Variants in LRRTM3 observed in about 807,000 individuals in gnomAD.
LRRTM3 encodes the protein leucine-rich repeat transmembrane neuronal protein 3.
Under a neutral mutation model 44.7 loss-of-function variants are expected in LRRTM3, and 24 were observed. The observed-to-expected ratio is 0.54, with a 90% confidence interval of 0.39 to 0.76. The LOEUF is 0.76. Among genes scored for constraint, LRRTM3 ranks in the 30% least tolerant of loss-of-function variants. LRRTM3 has a pLI of 0.00. For synonymous variants in LRRTM3, 277 were observed against 278.7 expected (o/e 0.99, Z 0.06); for missense variants, 587 against 702.2 (o/e 0.84, Z 1.85).
At chr10:67,018,609 C>G (rs1000170137) in intron 2 of LRRTM3, among the ~76,000 whole-genome samples, 3 of 152,186 alleles carry the variant, frequency 2.0e-5, no homozygotes, top group African/African-American at 7.2e-5. Context: ...AGTCTGTGGG[C>G]TCTGGAGCCA....
At chr10:66,934,931 A>G (rs888218550) in intron 2 of LRRTM3, among the ~76,000 whole-genome samples, 1 of 152,146 alleles carries the variant, frequency 6.6e-6, no homozygotes, top group African/African-American at 2.4e-5. Flanking sequence ...TCTTGGTGCT[A>G]AAGCTTATTA....
At chr10:67,004,463 T>A (rs1851861279) in intron 2 of LRRTM3, among the ~76,000 whole-genome samples, 1 of 151,922 alleles carries the variant, frequency 6.6e-6, no homozygotes, top group Non-Finnish European at 1.5e-5. Context: ...TGATACTTCA[T>A]CTCTGTTAGC....
At chr10:66,957,007 T>C (rs369309277) in intron 2 of LRRTM3, among the ~76,000 whole-genome samples, 1 of 152,280 alleles carries the variant, frequency 6.6e-6, no homozygotes, top group Non-Finnish European at 1.5e-5. Flanking sequence ...ATGTAGAAGA[T>C]AATTCAAAAG....
chr10:67,049,677 G>T (rs1404215244), intron 2 of LRRTM3, among the ~76,000 whole-genome samples: 1 of 152,248 alleles, frequency 6.6e-6, no homozygotes, highest in South Asian at 2.1e-4. Context: ...ATTTTAGGAA[G>T]AAAACAGTCC....
chr10:67,052,337 TC>T (rs1855156664), intron 2 of LRRTM3, among the ~76,000 whole-genome samples: 7 of 151,676 alleles, frequency 4.6e-5, no homozygotes, highest in Non-Finnish European at 7.4e-5. Context: ...TCTCTCTCTC[TC>T]TCTCTCTCTC....
chr10:67,065,991 T>G (rs1002081181), intron 2 of LRRTM3, among the ~76,000 whole-genome samples: 1 of 152,156 alleles, frequency 6.6e-6, no homozygotes, highest in Admixed American at 6.5e-5. Context: ...GATTGTCATA[T>G]TTTGACAAAA....
At chr10:66,970,041 C>A (rs1849632513) in intron 2 of LRRTM3, among the ~76,000 whole-genome samples, 1 of 152,078 alleles carries the variant, frequency 6.6e-6, no homozygotes, top group South Asian at 2.1e-4. Context: ...AAGGCGAGTT[C>A]CATAGGTTTA....
chr10:67,039,562 TA>T (rs1358162981), intron 2 of LRRTM3, among the ~76,000 whole-genome samples: 1 of 152,144 alleles, frequency 6.6e-6, no homozygotes. Context: ...TTTTTTTGTT[TA>T]AAAAATAATT....
At chr10:66,934,445 C>T (rs1485655951) in intron 2 of LRRTM3, among the ~76,000 whole-genome samples, 2 of 152,056 alleles carry the variant, frequency 1.3e-5, no homozygotes, top group African/African-American at 4.8e-5. Context: ...AGCATTATCT[C>T]CAAAAGAAAA....
At chr10:67,094,262 T>C (rs899711353) in intron 2 of LRRTM3, among the ~76,000 whole-genome samples, 20 of 152,024 alleles carry the variant, frequency 1.3e-4, no homozygotes, top group Middle Eastern at 3.4e-3. Flanking sequence ...TAAGAATCAT[T>C]GGGTTCCTAA....
intron 2 of LRRTM3, among the ~76,000 whole-genome samples, chr10:66,974,403 G>A (rs1330663230): frequency 6.6e-6 from 1 of 152,136 alleles, no homozygotes; most frequent in East Asian, 1.9e-4. Flanking sequence ...TTCACCTGTT[G>A]GTGTTGATGG....
Position 66,927,813 on chromosome 10 carries a change from T to A in LRRTM3, c.897T>A (p.Asp299Glu). The stretch of plus-strand genomic sequence containing the variant: ...CATTTATTGGTCAAGAGATTTTGGA[T>A]TCTTGGATATCCCTCAATGACATCA... ...KLTFIGQEIL[D>E]SWISLNDISL... is the part of the protein sequence containing the mutation. The change falls in exon 2 of 3, where the codon GAT becomes GAA. Residue 299 changes from aspartate to glutamate, a missense_variant. Asp to Glu is a conservative substitution (Grantham distance 45). This residue lies in a region of LRRTM3 where 222 missense variants were observed against 323.3 expected (regional missense o/e 0.69). Transcript: ENST00000361320. This position sits in a 1 kb window ranked among gnomAD's most constrained non-coding sequence, Gnocchi z 4.7. 6.2e-7 allele frequency: 1 copy of A among 1,614,234 alleles called. No individual in the cohort carries two copies. Among genetic ancestry groups the A allele is most frequent in the Non-Finnish European group, 8.5e-7 (1 of 1,180,040 alleles).
At chr10:67,045,000 C>T (rs752508709) in intron 2 of LRRTM3, among the ~76,000 whole-genome samples, 2 of 152,084 alleles carry the variant, frequency 1.3e-5, no homozygotes, top group African/African-American at 2.4e-5. Context: ...ATCTAGGAGA[C>T]GCTCAATAAA....
chr10:67,009,553 A>T (rs1224932881), intron 2 of LRRTM3, among the ~76,000 whole-genome samples: 2 of 151,636 alleles, frequency 1.3e-5, no homozygotes, highest in African/African-American at 2.4e-5. Context: ...GCTTGTCCGT[A>T]TCATATCTAG....
intron 2 of LRRTM3, chr10:67,054,630 A>C (rs1023564568): frequency 6.6e-5 from 10 of 152,210 alleles, no homozygotes; most frequent in African/African-American, 2.4e-4. Context: ...AATATGATGC[A>C]GTATTTCCAA....
chr10:67,067,953 C>G (rs1456669416), intron 2 of LRRTM3, among the ~76,000 whole-genome samples: 8 of 152,158 alleles, frequency 5.3e-5, no homozygotes, highest in Non-Finnish European at 1.2e-4. Context: ...AAGGTTTGTC[C>G]TGGCTTCACA....
chr10:66,942,548 GTCTCTCTCTCTC>G (rs67598003), intron 2 of LRRTM3, among the ~76,000 whole-genome samples: 10 of 148,128 alleles, frequency 6.8e-5, no homozygotes, highest in East Asian at 6.0e-4. Context: ...TTGCCATAAT[GTCTCTCTCTCTC>G]TCTCTCTCTC....
rs2131938652 is a variant in LRRTM3 at position 67,099,260 on chromosome 10, T to C, written c.*1464T>C. The C allele has an allele frequency of 6.6e-6, 1 of 151,872 alleles. No homozygotes were observed. Among genetic ancestry groups the C allele is most frequent in the Middle Eastern group, 3.4e-3 (1 of 294 alleles). The allele number at this position is 151,872 out of a possible 1,614,324, so 9.4% of individuals were successfully genotyped here. Reference sequence around the variant, plus strand: ...TGAAATAATCAACTTGTTTGTGCTGTTTGCTTGACATAGGTTATTGTTTGA... The same window carrying C: ...TGAAATAATCAACTTGTTTGTGCTGCTTGCTTGACATAGGTTATTGTTTGA... On this transcript the variant is annotated 3_prime_UTR_variant, in exon 3 of 3. Transcript: ENST00000361320.
intron 2 of LRRTM3, among the ~76,000 whole-genome samples, chr10:67,019,321 C>T (rs191456550): frequency 1.4e-4 from 21 of 152,260 alleles, no homozygotes; most frequent in African/African-American, 3.4e-4. Flanking sequence ...CGGGTCCAAG[C>T]GCTTCTCCTG....
Sources: gnomAD v4.1 joint callset for allele counts (sites outside exome capture counted in the v4.1 genomes callset) on GRCh38, gnomAD v4.1.1 for gene constraint, gnomAD v4.1.1 regional missense constraint, Gnocchi (gnomAD v3.1) non-coding constraint, MANE v1.5 for transcripts, NCBI Gene and HGNC (gene_info 2026-07-23, HGNC 2026-07-21) for gene names.